The following ZNF385D variants were observed in gnomAD, a reference collection of about 807,000 sequenced individuals.
ZNF385D encodes zinc finger protein 385D.
ZNF385D carries 15 observed loss-of-function variants against 35.8 expected under a neutral mutation model. The observed-to-expected ratio is 0.42, with a 90% CI of 0.28 to 0.64. ZNF385D has a LOEUF of 0.64. Ranked by LOEUF, ZNF385D falls within the 30% of genes least tolerant of loss-of-function variation. ZNF385D has a pLI of 0.23. For missense variants in ZNF385D, 474 were observed against 494.6 expected, an observed-to-expected ratio of 0.96 and a Z score of 0.39; for synonymous variants, 212 against 186.8, an observed-to-expected ratio of 1.13 and a Z score of -1.10.
At chr3:22,196,625 C>A (rs577747351) in intron 2 of ZNF385D, among the ~76,000 whole-genome samples, 2 of 152,130 alleles carry the variant, frequency 1.3e-5, no homozygotes, top group Non-Finnish European at 2.9e-5. Flanking sequence ...GAGTCCATTG[C>A]AGATTGCTAA....
chr3:22,372,543 C>T (rs1023008258), exon 2 of ZNF385D: 15 of 985,774 alleles, frequency 1.5e-5, no homozygotes, highest in African/African-American at 1.7e-5. Flanking sequence ...GCCCGGCGCC[C>T]TGGCCCTGGC....
chr3:21,926,751 A>C (rs551561558), intron 3 of ZNF385D, among the ~76,000 whole-genome samples: 3 of 152,234 alleles, frequency 2.0e-5, no homozygotes, highest in African/African-American at 7.2e-5. Context: ...CAAAGACTTC[A>C]TGACTAAAAC....
At chr3:21,956,499 C>T (rs369583221) in intron 3 of ZNF385D, among the ~76,000 whole-genome samples, 11 of 151,978 alleles carry the variant, frequency 7.2e-5, no homozygotes, top group African/African-American at 2.6e-4. Flanking sequence ...AGGGAGACAA[C>T]TAAGAGGTAA....
rs1334410224 is a variant in ZNF385D, at chr3:21,681,316, A to AAAAAAAAAAAAAAAAAAAAAAAC, written c.23-16289_23-16288insGTTTTTTTTTTTTTTTTTTTTTT. Among the ~76,000 whole-genome samples, 41 of 141,760 alleles carry AAAAAAAAAAAAAAAAAAAAAAAC rather than the reference A, an allele frequency of 2.9e-4. 1 individual carries two copies. Among genetic ancestry groups the AAAAAAAAAAAAAAAAAAAAAAAC allele is most frequent in the Admixed American group, 5.0e-4 (7 of 14,118 alleles). The allele number at this position is 141,760 out of a possible 152,430, so 93.0% of individuals were successfully genotyped here. On this transcript the variant is annotated intron_variant, in intron 1 of 7. Coordinates refer to ENST00000281523, the MANE Select transcript of ZNF385D (RefSeq NM_024697.3). ...CCATCAGTAAAAAAAAAAAAAAAAA[A>AAAAAAAAAAAAAAAAAAAAAAAC]AAAAAAAACCTACATTTTTGGCACA... is the stretch of plus-strand genomic sequence containing the variant.
At chr3:21,453,857 A>G (rs549934612) in intron 4 of ZNF385D, among the ~76,000 whole-genome samples, 1 of 152,102 alleles carries the variant, frequency 6.6e-6, no homozygotes, top group Non-Finnish European at 1.5e-5. Context: ...TGTCCTAAAT[A>G]TATACCTAAA....
chr3:22,167,863 A>T (rs998237456), intron 3 of ZNF385D, among the ~76,000 whole-genome samples: 10 of 152,228 alleles, frequency 6.6e-5, no homozygotes, highest in Non-Finnish European at 1.0e-4. Flanking sequence ...GAAATAAAAA[A>T]TCCTTTCCAA....
At chr3:22,278,414 G>A (rs1701543595) in intron 2 of ZNF385D, among the ~76,000 whole-genome samples, 1 of 151,930 alleles carries the variant, frequency 6.6e-6, no homozygotes, top group Non-Finnish European at 1.5e-5. Context: ...GACCATTTTT[G>A]TTTTTCTCCA....
chr3:22,159,491 A>G (rs1468211869), intron 3 of ZNF385D, among the ~76,000 whole-genome samples: 1 of 152,090 alleles, frequency 6.6e-6, no homozygotes, highest in Non-Finnish European at 1.5e-5. Flanking sequence ...TCATTGTCCT[A>G]GTACACAGGG....
chr3:21,424,078 T>C lies in ZNF385D; in HGVS notation c.853-14A>G, dbSNP rs1575118118. ...ACTGCTAATGTGCTATTAAAAGTAA[T>C]TTAAAATGACAGCTTTAAAAAAATC... On this transcript the variant is annotated splice_polypyrimidine_tract_variant and intron_variant, in intron 6 of 7. Coordinates refer to ENST00000281523, the MANE Select transcript of ZNF385D (RefSeq NM_024697.3). The C allele has an allele frequency of 1.3e-6, 2 of 1,546,274 alleles. No individual in the cohort carries two copies. The highest frequency in any genetic ancestry group is 1.7e-6 in the Non-Finnish European group (2 of 1,154,016).
chr3:22,058,784 C>T (rs1699544881), intron 3 of ZNF385D, among the ~76,000 whole-genome samples: 1 of 152,086 alleles, frequency 6.6e-6, no homozygotes, highest in Admixed American at 6.6e-5. Flanking sequence ...GAAATTTTAA[C>T]CATAATTTGT....
At chr3:22,159,356 A>C (rs538536996) in intron 3 of ZNF385D, among the ~76,000 whole-genome samples, 48 of 152,154 alleles carry the variant, frequency 3.2e-4, no homozygotes, top group Admixed American at 1.3e-3. Context: ...TTTTCACTTC[A>C]TCTAGCTCTT....
intron 3 of ZNF385D, among the ~76,000 whole-genome samples, chr3:21,937,711 T>C (rs1292384100): frequency 6.6e-6 from 1 of 152,166 alleles, no homozygotes; most frequent in Non-Finnish European, 1.5e-5. Flanking sequence ...CAGCTTGATG[T>C]GAACAAGAAA....
intron 3 of ZNF385D, among the ~76,000 whole-genome samples, chr3:22,020,784 G>T (rs1280938264): frequency 6.6e-6 from 1 of 151,792 alleles, no homozygotes; most frequent in African/African-American, 2.4e-5. Flanking sequence ...GGTATCTACT[G>T]AAAGGAAAAT....
At chr3:22,289,333 C>A (rs1331593179) in intron 2 of ZNF385D, among the ~76,000 whole-genome samples, 1 of 152,146 alleles carries the variant, frequency 6.6e-6, no homozygotes, top group Admixed American at 6.6e-5. Flanking sequence ...CTGTTCCATA[C>A]ACAATCTATT....
intron 3 of ZNF385D, among the ~76,000 whole-genome samples, chr3:22,047,145 G>T (rs35336581): frequency 0.048 from 7,260 of 152,102 alleles, 234 homozygotes; most frequent in East Asian, 0.1. Context: ...CACATGTATG[G>T]TGCACAACAT....
In ZNF385D at chr3:21,415,742, A is replaced by T. The variant is rs1700554303; in HGVS notation, c.*5472T>A. 1 of 151,930 alleles carries T rather than the reference A, an allele frequency of 6.6e-6. No individual in the cohort carries two copies. The highest frequency in any genetic ancestry group is 2.1e-4 in the South Asian group (1 of 4,818). The allele number at this position is 151,930 out of a possible 1,614,324, so 9.4% of individuals were successfully genotyped here. ...GACCTGCCAGTCTGAAAATAACATG[A>T]CCCCATTATCGGCTGTCTTAGTTAA... On this transcript the variant is annotated 3_prime_UTR_variant, in exon 8 of 8. Coordinates refer to ENST00000281523, the MANE Select transcript of ZNF385D (RefSeq NM_024697.3).
chr3:22,201,265 C>G (rs559460955), intron 2 of ZNF385D, among the ~76,000 whole-genome samples: 1 of 152,148 alleles, frequency 6.6e-6, no homozygotes. Context: ...CCGGTCCCTT[C>G]ATTTGGGGTC....
chr3:21,928,544 T>G (rs1316252788), intron 3 of ZNF385D, among the ~76,000 whole-genome samples: 1 of 152,178 alleles, frequency 6.6e-6, no homozygotes, highest in Non-Finnish European at 1.5e-5. Context: ...CAGTTGCATG[T>G]GGAACATATT....
At chr3:21,569,069 C>CTAT (rs1420146609) in intron 2 of ZNF385D, among the ~76,000 whole-genome samples, 1 of 146,108 alleles carries the variant, frequency 6.8e-6, no homozygotes, top group Non-Finnish European at 1.5e-5. Context: ...CTGTAGATGT[C>CTAT]TATTAGGTCC....
Sources: gnomAD v4.1 joint callset for allele counts (sites outside exome capture counted in the v4.1 genomes callset) on GRCh38, gnomAD v4.1.1 for gene constraint, MANE v1.5 for transcripts, NCBI Gene and HGNC (gene_info 2026-07-23, HGNC 2026-07-21) for gene names.